The following MUC12 variants were observed in gnomAD, a reference collection of about 807,000 sequenced individuals.
The protein encoded by MUC12 is mucin-12.
MUC12 carries 172 observed loss-of-function variants against 230.8 expected under a neutral mutation model. The ratio of observed to expected loss-of-function variants is 0.75; its 90% CI spans 0.66 to 0.85. The LOEUF (loss-of-function observed/expected upper bound fraction) is 0.85. Ranked by LOEUF, MUC12 falls within the 40% of genes least tolerant of loss-of-function variation. The probability of loss-of-function intolerance (pLI) is 0.00; values close to 1 mark genes in which losing one functional copy is unlikely to be tolerated. For synonymous variants in MUC12, 1,259 were observed against 2,401.9 expected (o/e 0.52, Z 13.91); for missense variants, 3,506 against 5,920.6 (o/e 0.59, Z 13.38).
intron 1 of MUC12, among the ~76,000 whole-genome samples, chr7:100,975,238 T>C (rs539085814): frequency 1.3e-5 from 2 of 152,426 alleles, no homozygotes; most frequent in African/African-American, 4.8e-5. Flanking sequence ...AGTTGCACAG[T>C]GTTCCTAATA....
Position 100,969,574 on chromosome 7 carries a change from T to G in MUC12, c.-49T>G. 6.5e-7 allele frequency: 1 copy of G among 1,537,300 alleles called. No individual in the cohort carries two copies. The highest frequency in any genetic ancestry group is 8.7e-7 in the Non-Finnish European group (1 of 1,146,884). ...TTCCTGGGAGGCCTTCATTTCTTGG[T>G]CCCTCCTGATGAGAGAAGATGGGCA... On this transcript the variant is annotated 5_prime_UTR_variant, in exon 1 of 12. Coordinates refer to ENST00000536621, the MANE Select transcript of MUC12 (RefSeq NM_001164462.2).
Position 100,977,117 on chromosome 7 carries a change from G to C in MUC12, c.67+7428G>C, listed in dbSNP as rs539242670. On this transcript the variant is annotated intron_variant, in intron 1 of 11. Transcript: ENST00000536621. ...CAATACCACCCATTCATCAGTTGGA[G>C]GAGTCAGGATTTGAACCTAAGCTTT... Among the ~76,000 whole-genome samples, 8 of 149,748 alleles carry C rather than the reference G, an allele frequency of 5.3e-5. No homozygotes were observed. In the East Asian group the frequency reaches 7.8e-4, roughly 15 times the overall value.
intron 11 of MUC12, 68 bp downstream of exon 11, chr7:101,017,731 C>CTGGGA: frequency 8.3e-7 from 1 of 1,200,706 alleles, no homozygotes; most frequent in South Asian, 1.4e-5. Context: ...CCCTCTTCCC[C>CTGGGA]CGGGACTCCC....
In MUC12 at chr7:100,990,653, T is replaced by G; in HGVS notation, c.90T>G (p.Ile30Met). 1 of 1,537,548 alleles carries G rather than the reference T, an allele frequency of 6.5e-7. No individual in the cohort carries two copies. Among genetic ancestry groups the G allele is most frequent in the Non-Finnish European group, 8.7e-7 (1 of 1,146,962 alleles). ...CAGGCTCAACAGTAAACACCAGTAT[T>G]GGAGGTAATACAACTTCTGCATCCA... ...VTPGSTVNTS[I>M]GGNTTSASTP... The change falls in exon 2 of 12, where the codon ATT becomes ATG. Residue 30 changes from isoleucine (I) to methionine (M), a missense_variant. Ile to Met is a conservative substitution (Grantham distance 10, BLOSUM62 1). Transcript: ENST00000536621.
rs978798071 is a variant in MUC12 at position 100,986,430 on chromosome 7, G to GA, written c.68-4192dup. Among the ~76,000 whole-genome samples, 12 of 129,768 alleles carry GA rather than the reference G, an allele frequency of 9.2e-5. No individual in the cohort carries two copies. In the South Asian group the frequency reaches 1.0e-3, roughly 11 times the overall value. 85.1% of individuals were successfully genotyped at this position (129,768 alleles called of 152,430 possible). A position where few individuals can be genotyped will look rare whatever the true frequency, so the allele number is the denominator to read the frequency against. On this transcript the variant is annotated intron_variant, in intron 1 of 11. Coordinates refer to ENST00000536621, the MANE Select transcript of MUC12 (RefSeq NM_001164462.2). ...GAGACCCTGTCTCAAAAAAAAAAAA[G>GA]AAAAAAAAAGCCATCAAAACCCCAA...
At position 101,009,153 on chromosome 7, in the gene MUC12, G is replaced by T; in HGVS notation, c.15245G>T (p.Arg5082Ile). 6.5e-7 allele frequency: 1 copy of T among 1,537,822 alleles called. No individual in the cohort carries two copies. Among genetic ancestry groups the T allele is most frequent in the Non-Finnish European group, 8.7e-7 (1 of 1,146,976 alleles). Residue 5082 changes from arginine to isoleucine, a missense_variant, in exon 5 of 12, where the codon AGA becomes ATA. By Grantham distance (97) the Arg-to-Ile change is moderately conservative. Transcript: ENST00000536621. ...LPQYRGVNIR[R>I]LLNGSIVVKN... ...CAGTATAGAGGGGTGAACATTCGGA[G>T]ATTGCTGTGAGTATATTGGGGGGCA... is the stretch of plus-strand genomic sequence containing the variant.
chr7:101,018,488 C>A, intron 11 of MUC12, 107 bp from the exon 12 acceptor site: 2 of 973,532 alleles, frequency 2.1e-6, no homozygotes, highest in South Asian at 2.8e-5. Flanking sequence ...GGACTCCCTC[C>A]CTCCCCCTGG....
rs1584844087 is a variant in MUC12 at position 101,005,183 on chromosome 7, C to T, written c.14620C>T (p.His4874Tyr). 3 of 1,537,926 alleles carry T rather than the reference C, an allele frequency of 2.0e-6. No homozygotes were observed. Among genetic ancestry groups the T allele is most frequent in the Non-Finnish European group, 1.7e-6 (2 of 1,147,062 alleles). ...TTCTCACAGCAACACAATGTCCATTCATAGTCAACAATCTACACCCTTCCC... is the reference window on the plus strand; with the variant it reads ...TTCTCACAGCAACACAATGTCCATTTATAGTCAACAATCTACACCCTTCCC... ...AFSHSNTMSI[H>Y]SQQSTPFPDS... is the part of the protein sequence containing the mutation. Residue 4874 changes from histidine to tyrosine, a missense_variant, in exon 2 of 12, where the codon CAT becomes TAT. Coordinates refer to ENST00000536621, the MANE Select transcript of MUC12 (RefSeq NM_001164462.2).
At chr7:101,005,622 C>T (rs1793734976) in intron 2 of MUC12, 103 bp downstream of exon 2, 2 of 1,352,886 alleles carry the variant, frequency 1.5e-6, no homozygotes, top group South Asian at 3.0e-5. Flanking sequence ...CCTCTGTCTT[C>T]CACTTTACTT....
chr7:101,015,319 C>T (rs1172361543), intron 9 of MUC12: 1 of 394,916 alleles, frequency 2.5e-6, no homozygotes, highest in Non-Finnish European at 4.6e-6. Flanking sequence ...AACCCTGGCA[C>T]AGTACCTGAC....
At chr7:100,981,981 C>T (rs1793115125) in intron 1 of MUC12, among the ~76,000 whole-genome samples, 2 of 151,894 alleles carry the variant, frequency 1.3e-5, no homozygotes, top group Non-Finnish European at 2.9e-5. Context: ...ATTCTCCTGC[C>T]TCAGCCTCCG....
At chr7:100,971,920 A>C (rs1014025365) in intron 1 of MUC12, among the ~76,000 whole-genome samples, 1 of 152,298 alleles carries the variant, frequency 6.6e-6, no homozygotes, top group Non-Finnish European at 1.5e-5. Flanking sequence ...GCAACCAAAA[A>C]CCCCCGTTCC....
intron 3 of MUC12, among the ~76,000 whole-genome samples, chr7:101,007,531 C>T (rs555133788): frequency 6.6e-6 from 1 of 152,310 alleles, no homozygotes; most frequent in South Asian, 2.1e-4. Flanking sequence ...TGGCTTATTT[C>T]ACTTAACAAC....
Position 101,012,886 on chromosome 7 carries a change from C to G in MUC12, c.15471C>G (p.Phe5157Leu), listed in dbSNP as rs1316730170. Residue 5157 changes from phenylalanine to leucine, a missense_variant, in exon 7 of 12, where the codon TTC (phenylalanine) becomes TTG (leucine). Transcript: ENST00000536621. ...CATCGGTGACTCCGGGCTTTGACTT[C>G]CAGGGTAAGCGACTACGTGGAGCGT... ...VDSSVTPGFD[F>L]QEQCTQKAAE... 1 of 1,537,256 alleles carries G rather than the reference C, an allele frequency of 6.5e-7. No homozygotes were observed. Among genetic ancestry groups the G allele is most frequent in the Non-Finnish European group, 8.7e-7 (1 of 1,146,918 alleles).
At chr7:101,008,895 A>G in intron 4 of MUC12, 134 bp downstream of exon 4, 1 of 1,339,590 alleles carries the variant, frequency 7.5e-7, no homozygotes, top group Non-Finnish European at 1.0e-6. Flanking sequence ...TAAGTCTTGA[A>G]AGGAGGTCCT....
intron 8 of MUC12, 56 bp from the exon 9 acceptor site, chr7:101,013,857 G>C: frequency 6.7e-7 from 1 of 1,489,066 alleles, no homozygotes; most frequent in South Asian, 1.3e-5. Flanking sequence ...TTAACCCTTG[G>C]GATATTGGAT....
chr7:101,011,776 T>C (rs919703042), intron 5 of MUC12, among the ~76,000 whole-genome samples: 1 of 152,142 alleles, frequency 6.6e-6, no homozygotes, highest in Non-Finnish European at 1.5e-5. Context: ...CACATTTGTT[T>C]CTCCATTTGT....
At chr7:100,990,295 C>A (rs558107044) in intron 1 of MUC12, among the ~76,000 whole-genome samples, 1 of 152,194 alleles carries the variant, frequency 6.6e-6, no homozygotes, top group Admixed American at 6.5e-5. Context: ...GGCTGCACCC[C>A]CTTATGAGAA....
At chr7:101,011,405 G>C (rs1417914988) in intron 5 of MUC12, among the ~76,000 whole-genome samples, 1 of 152,040 alleles carries the variant, frequency 6.6e-6, no homozygotes, top group Non-Finnish European at 1.5e-5. Context: ...GTAGCTTCTA[G>C]GTTAGAAACT....
Sources: gnomAD v4.1 joint callset for allele counts (sites outside exome capture counted in the v4.1 genomes callset) on GRCh38, gnomAD v4.1.1 for gene constraint, MANE v1.5 for transcripts, NCBI Gene and HGNC (gene_info 2026-07-23, HGNC 2026-07-21) for gene names.